The following COL25A1 variants were observed in gnomAD, a reference collection of about 807,000 sequenced individuals.
The protein encoded by COL25A1 is collagen alpha-1(XXV) chain.
COL25A1 carries 103 observed loss-of-function variants against 128.4 expected under a neutral mutation model. The ratio of observed to expected loss-of-function variants is 0.80; its 90% confidence interval spans 0.68 to 0.94. The LOEUF is 0.94. COL25A1 is among the 40% of genes least tolerant of loss of function. COL25A1 has a pLI of 0.00. For missense variants in COL25A1, 745 were observed against 840.0 expected (o/e 0.89, Z 1.40); for synonymous variants, 279 against 277.2 (o/e 1.01, Z -0.06).
At chr4:108,940,689 TAAAG>T in intron 9 of COL25A1, 43 bp from the exon 10 acceptor site, 1 of 1,321,456 alleles carries the variant, frequency 7.6e-7, no homozygotes, top group Non-Finnish European at 1.0e-6. Context: ...CCATGAAAGA[TAAAG>T]ACCCAGGTCT....
At chr4:109,156,182 GTCTGACCCAGTGTGTCAATGTCAAC>G (rs1323414815) in intron 3 of COL25A1, among the ~76,000 whole-genome samples, 3 of 152,162 alleles carry the variant, frequency 2.0e-5, no homozygotes, top group Non-Finnish European at 4.4e-5. Flanking sequence ...TTTGGGACAA[GTCTGACCCAGTGTGTCAATGTCAAC>G]TGAAACAAAA....
At chr4:108,916,420 A>G (rs936877510) in intron 13 of COL25A1, among the ~76,000 whole-genome samples, 1 of 152,222 alleles carries the variant, frequency 6.6e-6, no homozygotes, top group Non-Finnish European at 1.5e-5. Context: ...CTTTGCAAAA[A>G]TAAAGAATAT....
At chr4:108,897,772 G>T (rs1477894167) in intron 15 of COL25A1, among the ~76,000 whole-genome samples, 1 of 152,110 alleles carries the variant, frequency 6.6e-6, no homozygotes, top group African/African-American at 2.4e-5. Flanking sequence ...TTTCTTGGGA[G>T]GGGGGAGAAA....
intron 3 of COL25A1, among the ~76,000 whole-genome samples, chr4:109,154,770 A>T (rs982700858): frequency 1.3e-5 from 2 of 152,238 alleles, no homozygotes; most frequent in African/African-American, 2.4e-5. Context: ...CATGCATGTC[A>T]GCTGAAGCAA....
At chr4:109,118,793 C>T (rs191416915) in intron 3 of COL25A1, among the ~76,000 whole-genome samples, 45 of 152,058 alleles carry the variant, frequency 3.0e-4, no homozygotes, top group African/African-American at 1.0e-3. Context: ...GACACTTACA[C>T]CCCTCTGTCA....
intron 3 of COL25A1, among the ~76,000 whole-genome samples, chr4:109,252,754 G>A (rs190486783): frequency 1.2e-3 from 183 of 152,230 alleles, no homozygotes; most frequent in African/African-American, 4.2e-3. Flanking sequence ...TTACAACCAG[G>A]TGCACAGCTT....
At chr4:109,152,666 A>C (rs1214277802) in intron 3 of COL25A1, among the ~76,000 whole-genome samples, 1 of 152,246 alleles carries the variant, frequency 6.6e-6, no homozygotes, top group African/African-American at 2.4e-5. Context: ...ATATACGTAC[A>C]ATGGAATGTA....
At chr4:109,148,202 A>C (rs1238464524) in intron 3 of COL25A1, among the ~76,000 whole-genome samples, 2 of 152,244 alleles carry the variant, frequency 1.3e-5, no homozygotes, top group African/African-American at 4.8e-5. Flanking sequence ...ATTTATAGTC[A>C]TAGCATCTAG....
At chr4:108,902,973 T>A (rs1743020050) in intron 13 of COL25A1, among the ~76,000 whole-genome samples, 1 of 151,884 alleles carries the variant, frequency 6.6e-6, no homozygotes, top group Non-Finnish European at 1.5e-5. Context: ...TCATAACTCA[T>A]GGTTTCATGC....
intron 8 of COL25A1, among the ~76,000 whole-genome samples, chr4:108,960,155 T>C (rs1750523963): frequency 6.6e-6 from 1 of 151,500 alleles, no homozygotes; most frequent in Non-Finnish European, 1.5e-5. Context: ...TGCCAGAAAA[T>C]GAAATAATGT....
At chr4:108,844,911 A>G (rs1303223932) in intron 29 of COL25A1, among the ~76,000 whole-genome samples, 1 of 152,132 alleles carries the variant, frequency 6.6e-6, no homozygotes, top group East Asian at 1.9e-4. Flanking sequence ...AGTATGTTCT[A>G]TATTCACAAA....
chr4:108,988,287 A>G (rs993102626), intron 6 of COL25A1, among the ~76,000 whole-genome samples: 1 of 152,244 alleles, frequency 6.6e-6, no homozygotes, highest in African/African-American at 2.4e-5. Flanking sequence ...ATACATTAGC[A>G]TATTTTCTGC....
chr4:109,224,316 T>C (rs181109035), intron 3 of COL25A1, among the ~76,000 whole-genome samples: 1 of 152,270 alleles, frequency 6.6e-6, no homozygotes, highest in East Asian at 1.9e-4. Context: ...CACTAATATA[T>C]GGGTAGAACC....
chr4:108,926,368 A>C (rs1016438217), intron 11 of COL25A1, among the ~76,000 whole-genome samples: 29 of 152,200 alleles, frequency 1.9e-4, no homozygotes, highest in Non-Finnish European at 1.0e-4. Flanking sequence ...TGTAATAAAA[A>C]ACACAGGGAA....
chr4:109,181,061 A>C (rs1305542059), intron 3 of COL25A1, among the ~76,000 whole-genome samples: 1 of 152,180 alleles, frequency 6.6e-6, no homozygotes, highest in African/African-American at 2.4e-5. Context: ...TCCATCAGGA[A>C]GCACTTTCTC....
chr4:109,217,270 T>C (rs1778065788), intron 3 of COL25A1, among the ~76,000 whole-genome samples: 2 of 152,120 alleles, frequency 1.3e-5, no homozygotes, highest in Admixed American at 6.6e-5. Context: ...GGGTATTTTA[T>C]ATTTAATTTA....
chr4:109,070,729 C>T (rs913945187), intron 3 of COL25A1, among the ~76,000 whole-genome samples: 3 of 136,752 alleles, frequency 2.2e-5, no homozygotes, highest in African/African-American at 8.3e-5. Flanking sequence ...TGTTCCCCTT[C>T]CTATGTCCAA....
In COL25A1 at chr4:109,048,189, A is replaced by G. The variant is rs1361411816; in HGVS notation, c.413-14T>C. 1 of 1,610,576 alleles carries G rather than the reference A, an allele frequency of 6.2e-7. No individual in the cohort carries two copies. The highest frequency in any genetic ancestry group is 1.3e-5 in the African/African-American group (1 of 74,914). ...TTACAGGAGGACCTATGGGGGGAGC[A>G]GGTGGAGAGAGAAGAGAGAGAGAGG... is the stretch of plus-strand genomic sequence containing the variant. On this transcript the variant is annotated splice_polypyrimidine_tract_variant and intron_variant, in intron 4 of 37. Transcript: ENST00000399132.
chr4:108,826,700 G>A (rs917213619), intron 33 of COL25A1, among the ~76,000 whole-genome samples: 1 of 152,170 alleles, frequency 6.6e-6, no homozygotes, highest in South Asian at 2.1e-4. Flanking sequence ...ACTAGCAAGA[G>A]TCATTTTAGT....
Sources: allele counts gnomAD v4.1 joint callset (sites outside exome capture counted in the v4.1 genomes callset), GRCh38; gene constraint gnomAD v4.1.1; transcripts MANE v1.5; gene names NCBI Gene and HGNC (gene_info 2026-07-23, HGNC 2026-07-21).